The following PHEX variants were observed in gnomAD, a reference collection of about 807,000 sequenced individuals.
PHEX encodes phosphate-regulating neutral endopeptidase PHEX.
PHEX carries 16 observed loss-of-function variants against 68.0 expected under a neutral mutation model. That is an observed-to-expected ratio of 0.24 (90% CI 0.16 to 0.36). PHEX has a LOEUF of 0.36. Ranked by LOEUF, PHEX falls within the 10% of genes least tolerant of loss-of-function variation. The probability of loss-of-function intolerance (pLI) is 1.00; values close to 1 mark genes in which losing one functional copy is unlikely to be tolerated. For missense variants in PHEX, 480 were observed against 575.5 expected (o/e 0.83, Z 1.70); for synonymous variants, 208 against 205.1 (o/e 1.01, Z -0.12).
At chrX:22,240,273 C>G (rs114584678) in intron 20 of PHEX, among the ~76,000 whole-genome samples, 1 of 112,239 alleles carries the variant, frequency 8.9e-6, no homozygotes, top group Admixed American at 9.4e-5. Flanking sequence ...CTGGTACCAG[C>G]CACTGAAAAA....
intron 13 of PHEX, among the ~76,000 whole-genome samples, chrX:22,177,106 C>T (rs1051687089): frequency 1.8e-5 from 2 of 111,199 alleles, no homozygotes; most frequent in African/African-American, 6.5e-5. Flanking sequence ...TTAACAAAAA[C>T]TTCTCCACGG....
intron 1 of PHEX, among the ~76,000 whole-genome samples, chrX:22,033,708 A>G (rs1178532957): frequency 8.9e-6 from 1 of 112,189 alleles, no homozygotes; most frequent in Non-Finnish European, 1.9e-5. Flanking sequence ...CAAGATTTGA[A>G]AGATATTGTG....
At chrX:22,157,786 A>G (rs1477391212) in intron 12 of PHEX, among the ~76,000 whole-genome samples, 1 of 111,787 alleles carries the variant, frequency 8.9e-6, no homozygotes, top group Non-Finnish European at 1.9e-5. Context: ...ATACTGGGGC[A>G]TTATTCACAT....
At chrX:22,058,867 C>T (rs773763323) in intron 3 of PHEX, among the ~76,000 whole-genome samples, 3 of 112,329 alleles carry the variant, frequency 2.7e-5, no homozygotes, top group African/African-American at 9.7e-5. Flanking sequence ...TGCAGCAGCA[C>T]GATCTCGGCT....
intron 15 of PHEX, among the ~76,000 whole-genome samples, chrX:22,198,897 G>A (rs185356198): frequency 1.1e-4 from 12 of 111,750 alleles, no homozygotes; most frequent in Admixed American, 4.7e-4. Flanking sequence ...ACATGGCTGG[G>A]AGGCCTCACA....
chrX:22,229,039 T>C (rs891942325), intron 20 of PHEX, among the ~76,000 whole-genome samples: 3 of 111,774 alleles, frequency 2.7e-5, no homozygotes, highest in South Asian at 3.8e-4. Context: ...GATTCATCCA[T>C]GTCCCTGCAA....
At chrX:22,167,350 G>C (rs1240383058) in intron 12 of PHEX, among the ~76,000 whole-genome samples, 1 of 110,724 alleles carries the variant, frequency 9.0e-6, no homozygotes, top group East Asian at 2.8e-4. Flanking sequence ...ACTGGTGATA[G>C]GTAATATCTC....
chrX:22,210,955 A>G (rs1174260199), intron 15 of PHEX, among the ~76,000 whole-genome samples: 1 of 111,103 alleles, frequency 9.0e-6, no homozygotes, highest in Non-Finnish European at 1.9e-5. Flanking sequence ...GAGAAAAAAA[A>G]AAGTTAAGAA....
At chrX:22,055,174 CAAAAAAAAAAAAAAAA>C (rs111628195) in intron 3 of PHEX, among the ~76,000 whole-genome samples, 14 of 66,076 alleles carry the variant, frequency 2.1e-4, no homozygotes, top group Non-Finnish European at 3.0e-4. Context: ...GACTCCAGCT[CAAAAAAAAAAAAAAAA>C]AAAAAAAAAA....
At chrX:22,235,648 A>T (rs1935947935) in intron 20 of PHEX, among the ~76,000 whole-genome samples, 1 of 111,492 alleles carries the variant, frequency 9.0e-6, no homozygotes, top group South Asian at 3.9e-4. Flanking sequence ...CCAACTCCTA[A>T]TGCCATCACA....
chrX:22,050,886 TG>T (rs1166840622), intron 3 of PHEX, among the ~76,000 whole-genome samples: 11 of 111,959 alleles, frequency 9.8e-5, no homozygotes, highest in African/African-American at 3.2e-4. Context: ...TGCCTATTAA[TG>T]GTTTGTATTT....
intron 20 of PHEX, among the ~76,000 whole-genome samples, chrX:22,235,779 T>C (rs1014656117): frequency 1.8e-5 from 2 of 111,114 alleles, no homozygotes; most frequent in African/African-American, 3.3e-5. Context: ...TTAATAAATA[T>C]CCTCTACTCT....
intron 15 of PHEX, among the ~76,000 whole-genome samples, chrX:22,195,708 C>A (rs985175862): frequency 9.0e-6 from 1 of 111,649 alleles, no homozygotes; most frequent in Non-Finnish European, 1.9e-5. Flanking sequence ...TGTTCTGTTT[C>A]ATGTGTATAA....
chrX:22,092,749 CTTTTT>C (rs370527485), intron 6 of PHEX, among the ~76,000 whole-genome samples: 6,480 of 77,864 alleles, frequency 0.083, 496 homozygotes, highest in African/African-American at 0.28. Context: ...TTCTTTCTTT[CTTTTT>C]TTTTTTTTTT....
At chrX:22,046,132 T>C (rs1006455898) in intron 2 of PHEX, among the ~76,000 whole-genome samples, 14 of 111,892 alleles carry the variant, frequency 1.3e-4, no homozygotes, top group Non-Finnish European at 2.3e-4. Flanking sequence ...GGAAGGCGAA[T>C]GATGGCCTCA....
chrX:22,073,096 C>T (rs1221541660), intron 3 of PHEX, among the ~76,000 whole-genome samples: 1 of 111,726 alleles, frequency 9.0e-6, no homozygotes, highest in Non-Finnish European at 1.9e-5. Flanking sequence ...TACACACAGC[C>T]TGGCAGTGTC....
At chrX:22,044,584 G>A (rs192845764) in intron 2 of PHEX, among the ~76,000 whole-genome samples, 2,897 of 109,274 alleles carry the variant, frequency 0.027, 43 homozygotes, top group Non-Finnish European at 0.043. Context: ...GTGGTGGCGG[G>A]TGCCTGTAGT....
intron 1 of PHEX, 65 bp from the exon 2 acceptor site, chrX:22,038,404 C>T (rs1217731001): frequency 5.8e-6 from 4 of 686,786 alleles, no homozygotes; most frequent in Non-Finnish European, 4.8e-6. Flanking sequence ...CGTATGTTTC[C>T]GAGGGTGGTT....
chrX:22,078,539 A>G lies in PHEX; in HGVS notation c.663+837A>G, dbSNP rs1421849647. ...AATATTAATGAAATATTGATATTCAAATTGTAGACATGTATTGCCCTCACC... is the reference window on the plus strand; with the variant it reads ...AATATTAATGAAATATTGATATTCAGATTGTAGACATGTATTGCCCTCACC... On this transcript the variant is annotated intron_variant, in intron 5 of 21. Transcript: ENST00000379374. Among the ~76,000 whole-genome samples the G allele has an allele frequency of 5.4e-5, 6 of 112,144 alleles. No individual in the cohort carries two copies. In the South Asian group the frequency reaches 1.1e-3, roughly 21 times the overall value.
Sources: allele counts gnomAD v4.1 joint callset (sites outside exome capture counted in the v4.1 genomes callset), GRCh38; gene constraint gnomAD v4.1.1; transcripts MANE v1.5; gene names NCBI Gene and HGNC (gene_info 2026-07-23, HGNC 2026-07-21).